The following DNAH14 variants were observed in gnomAD, a reference collection of about 807,000 sequenced individuals.
DNAH14 encodes the protein dynein axonemal heavy chain 14.
Under a neutral mutation model 520.9 loss-of-function variants are expected in DNAH14, and 478 were observed. The ratio of observed to expected loss-of-function variants is 0.92; its 90% CI spans 0.85 to 0.99. The LOEUF (loss-of-function observed/expected upper bound fraction) is 0.99. Among genes scored for constraint, DNAH14 ranks in the 50% least tolerant of loss-of-function variants. The pLI is 0.00. For missense variants in DNAH14, 4,831 were observed against 5,234.5 expected (o/e 0.92, Z 2.38); for synonymous variants, 1,581 against 1,757.2 (o/e 0.90, Z 2.51).
At chr1:225,297,379 A>C (rs1391281829) in intron 55 of DNAH14, among the ~76,000 whole-genome samples, 1 of 151,954 alleles carries the variant, frequency 6.6e-6, no homozygotes, top group African/African-American at 2.4e-5. Context: ...GTATGATTGC[A>C]ACCTGTTACT....
intron 8 of DNAH14, among the ~76,000 whole-genome samples, chr1:224,975,094 T>G (rs2061728998): frequency 6.6e-6 from 1 of 151,964 alleles, no homozygotes. Context: ...TCATGGTGGA[T>G]AAGCTTTTTG....
intron 17 of DNAH14, among the ~76,000 whole-genome samples, chr1:225,057,990 CTT>C (rs772073763): frequency 6.6e-6 from 1 of 151,814 alleles, no homozygotes; most frequent in Non-Finnish European, 1.5e-5. Flanking sequence ...CTAAAATTCT[CTT>C]TTTTTTGTTG....
chr1:225,145,030 T>C (rs1467232346), intron 29 of DNAH14, among the ~76,000 whole-genome samples: 1 of 152,084 alleles, frequency 6.6e-6, no homozygotes, highest in Non-Finnish European at 1.5e-5. Context: ...TAGTAGTTAC[T>C]GATGAAAGCA....
chr1:225,372,224 T>A (rs2095627664), intron 77 of DNAH14, among the ~76,000 whole-genome samples: 1 of 152,152 alleles, frequency 6.6e-6, no homozygotes, highest in Admixed American at 6.5e-5. Context: ...ATTAGAGAAG[T>A]TTCAGAATTA....
chr1:225,223,042 T>G (rs527755068), intron 41 of DNAH14, among the ~76,000 whole-genome samples: 6 of 152,100 alleles, frequency 3.9e-5, no homozygotes, highest in Non-Finnish European at 8.8e-5. Flanking sequence ...CTCCTCCTTC[T>G]CCTTCAGCCC....
At position 225,308,458 on chromosome 1, in the gene DNAH14, G is replaced by T. The variant is rs776503301; in HGVS notation, c.9240+48G>T. The stretch of plus-strand genomic sequence containing the variant: ...AAAAATAATTTGGAGATTTGAAAAA[G>T]TATTCCCTAACCTTCAAATTTAAAA... On this transcript the variant is annotated intron_variant, in intron 60 of 85. Coordinates refer to ENST00000682510, the MANE Select transcript of DNAH14 (RefSeq NM_001367479.1). 1.3e-5 allele frequency: 19 copies of T among 1,489,576 alleles called. No individual in the cohort carries two copies. The South Asian group carries it at 2.6e-4, about 20-fold the overall frequency. The allele number at this position is 1,489,576 out of a possible 1,614,324, so 92.3% of individuals were successfully genotyped here. A position where few individuals can be genotyped will look rare whatever the true frequency, so the allele number is the denominator to read the frequency against.
At chr1:225,106,287 C>T (rs1013107680) in intron 23 of DNAH14, among the ~76,000 whole-genome samples, 7 of 151,880 alleles carry the variant, frequency 4.6e-5, no homozygotes, top group South Asian at 4.2e-4. Context: ...GTGGATAACC[C>T]GACCTTTCTC....
Position 225,206,035 on chromosome 1 carries a change from C to T in DNAH14, c.6042C>T (p.Asn2014=). 1 of 1,551,654 alleles carries T rather than the reference C, an allele frequency of 6.4e-7. No individual in the cohort carries two copies. ...ACACCTTTTGGGTAGAAAATCTGAA[C>T]TCTGTGCTAGATGATACTAGAACAT... ...PVDTFWVENL[N]SVLDDTRTLC... The change falls in exon 40 of 86, where the codon AAC becomes AAT. Residue 2014 remains asparagine (N), a synonymous_variant. Transcript: ENST00000682510.
chr1:225,252,624 TTAGAG>T (rs1226635207), intron 44 of DNAH14, among the ~76,000 whole-genome samples: 1 of 152,102 alleles, frequency 6.6e-6, no homozygotes, highest in African/African-American at 2.4e-5. Context: ...TCTGAGAAAT[TTAGAG>T]TATATTTTAT....
intron 46 of DNAH14, among the ~76,000 whole-genome samples, chr1:225,261,713 T>G (rs2092942215): frequency 6.6e-6 from 1 of 152,020 alleles, no homozygotes; most frequent in African/African-American, 2.4e-5. Flanking sequence ...GGAGAAGGAG[T>G]GGTATTAGTT....
At chr1:225,165,014 G>A (rs1003979255) in intron 35 of DNAH14, among the ~76,000 whole-genome samples, 6 of 152,050 alleles carry the variant, frequency 3.9e-5, no homozygotes, top group Non-Finnish European at 7.4e-5. Flanking sequence ...CTTCTTCCAA[G>A]AGAGTTCTCA....
intron 23 of DNAH14, among the ~76,000 whole-genome samples, chr1:225,106,311 A>T (rs1199208100): frequency 6.6e-6 from 1 of 151,858 alleles, no homozygotes; most frequent in Non-Finnish European, 1.5e-5. Context: ...GGCTGCCCTT[A>T]ACATTTTTTC....
intron 16 of DNAH14, 136 bp downstream of exon 16, chr1:225,050,512 C>T: frequency 2.1e-6 from 2 of 951,420 alleles, no homozygotes; most frequent in African/African-American, 1.7e-5. Context: ...GCTTATCTCC[C>T]CATTTGTTTT....
rs1212908947 is a variant in DNAH14, at chr1:225,215,841, CTT to C, written c.6439+8623_6439+8624del. Among the ~76,000 whole-genome samples the C allele has an allele frequency of 3.3e-5, 5 of 152,280 alleles. No homozygotes were observed. The East Asian group carries it at 5.8e-4, about 18-fold the overall frequency. ...TACAGCACTCTGATGGGTCTTGACT[CTT>C]TATCCAATTTGCCAGTCTCTGTCTT... On this transcript the variant is annotated intron_variant, in intron 41 of 85. Transcript: ENST00000682510.
At chr1:225,200,597 C>T (rs891575096) in intron 38 of DNAH14, among the ~76,000 whole-genome samples, 13 of 152,054 alleles carry the variant, frequency 8.5e-5, no homozygotes, top group Admixed American at 8.5e-4. Context: ...TTGACTGTAT[C>T]TGTCCTTCAT....
chr1:225,361,937 G>C (rs1035506601), intron 75 of DNAH14, among the ~76,000 whole-genome samples: 2 of 152,132 alleles, frequency 1.3e-5, no homozygotes, highest in Non-Finnish European at 1.5e-5. Context: ...AGAATCAGAA[G>C]ACAAAGATTG....
Position 225,039,877 on chromosome 1 carries a change from C to CAA in DNAH14, c.1488+1077_1488+1078dup, listed in dbSNP as rs1194328076. ...TGGGCGACAGAGCGAGACTCCGTCTCAAAAAAAAAAAAAAAAAAAAAAAAG... is the reference window on the plus strand; with the variant it reads ...TGGGCGACAGAGCGAGACTCCGTCTCAAAAAAAAAAAAAAAAAAAAAAAAAAG... On this transcript the variant is annotated intron_variant, in intron 12 of 85. Coordinates refer to ENST00000682510, the MANE Select transcript of DNAH14 (RefSeq NM_001367479.1). 3.5e-3 allele frequency among the ~76,000 whole-genome samples: 173 copies of CAA among 48,962 alleles called. 1 individual carries two copies. Among genetic ancestry groups the CAA allele is most frequent in the East Asian group, 0.015 (20 of 1,366 alleles). 32.1% of individuals were successfully genotyped at this position (48,962 alleles called of 152,430 possible). A position where few individuals can be genotyped will look rare whatever the true frequency, so the allele number is the denominator to read the frequency against.
chr1:224,992,456 G>A (rs182873558), intron 8 of DNAH14, among the ~76,000 whole-genome samples: 268 of 152,046 alleles, frequency 1.8e-3, no homozygotes, highest in Middle Eastern at 0.017. Context: ...TTATTCCTAA[G>A]TATTTTATTA....
At chr1:225,029,848 T>C (rs2066402542) in intron 11 of DNAH14, among the ~76,000 whole-genome samples, 1 of 152,008 alleles carries the variant, frequency 6.6e-6, no homozygotes, top group Non-Finnish European at 1.5e-5. Flanking sequence ...ATAATGTGAT[T>C]GGTCAAACCT....
Sources: gnomAD v4.1 joint callset for allele counts (sites outside exome capture counted in the v4.1 genomes callset) on GRCh38, gnomAD v4.1.1 for gene constraint, MANE v1.5 for transcripts, NCBI Gene and HGNC (gene_info 2026-07-23, HGNC 2026-07-21) for gene names.